MOB3A: variants seen among roughly 807,000 people sequenced by gnomAD.
MOB3A encodes the protein MOB kinase activator 3A, also known as MOB LAK.
A neutral mutation model predicts 17.8 loss-of-function variants in MOB3A; 17 were observed. That is an observed-to-expected ratio of 0.95 (90% CI 0.65 to 1.43). The LOEUF is 1.43. Ranked by LOEUF, MOB3A falls within the 40% of genes most tolerant of loss-of-function variation. The pLI, the probability that MOB3A is intolerant of heterozygous loss-of-function variation, is 0.00. For missense variants in MOB3A, 333 were observed against 310.8 expected (o/e 1.07, Z -0.54); for synonymous variants, 124 against 133.2 (o/e 0.93, Z 0.48).
chr19:2,080,444 C>G (rs1311459528), intron 2 of MOB3A, among the ~76,000 whole-genome samples: 1 of 151,982 alleles, frequency 6.6e-6, no homozygotes, highest in Non-Finnish European at 1.5e-5. Flanking sequence ...GTAGCGCGAT[C>G]TCAGCTCACT....
rs370919391 is a variant in MOB3A at position 2,076,306 on chromosome 19, C to T, written c.624+505G>A. ...AATTAGCTGGACGTGGTGGCGCGTGCCTGTAATCCCAGCTACTTGGGAGGC... is the reference window on the plus strand; with the variant it reads ...AATTAGCTGGACGTGGTGGCGCGTGTCTGTAATCCCAGCTACTTGGGAGGC... On this transcript the variant is annotated intron_variant, in intron 4 of 4. Coordinates refer to ENST00000357066, the MANE Select transcript of MOB3A (RefSeq NM_130807.3). 3.9e-4 allele frequency among the ~76,000 whole-genome samples: 59 copies of T among 151,978 alleles called. 1 individual carries two copies. The highest frequency in any genetic ancestry group is 1.2e-3 in the African/African-American group (48 of 41,436).
chr19:2,088,583 C>T (rs996146137), intron 1 of MOB3A, among the ~76,000 whole-genome samples: 3 of 152,162 alleles, frequency 2.0e-5, no homozygotes, highest in Non-Finnish European at 4.4e-5. Context: ...TCTTCTGCCT[C>T]AGCCTCCTGA....
intron 2 of MOB3A, among the ~76,000 whole-genome samples, chr19:2,081,314 G>GC (rs1568253715): frequency 6.6e-6 from 1 of 152,126 alleles, no homozygotes; most frequent in Non-Finnish European, 1.5e-5. Context: ...GAGGCCGGGC[G>GC]TGGTGGCTCA....
chr19:2,084,053 T>C (rs1476287393), intron 2 of MOB3A: 2 of 439,448 alleles, frequency 4.6e-6, no homozygotes, highest in Admixed American at 5.0e-5. Context: ...ATTACAGGCG[T>C]GAGCCACCGT....
chr19:2,088,012 G>A (rs115775208), intron 1 of MOB3A, among the ~76,000 whole-genome samples: 4,603 of 152,230 alleles, frequency 0.03, 191 homozygotes, highest in African/African-American at 0.094. Context: ...TCGCCTCCTC[G>A]TGGCCACTGT....
intron 4 of MOB3A, among the ~76,000 whole-genome samples, chr19:2,074,234 C>T (rs2017375446): frequency 6.6e-6 from 1 of 151,906 alleles, no homozygotes; most frequent in Admixed American, 6.6e-5. Context: ...GTGGAGGTTG[C>T]AGTGGCTGAG....
Position 2,073,068 on chromosome 19 carries a change from G to A in MOB3A, c.*327C>T, listed in dbSNP as rs2017359036. ...GTTCCAGGAGCCTGGGAGCCACCCA[G>A]GGCAAGGAGTGACCCTGGAAGCCAT... On this transcript the variant is annotated 3_prime_UTR_variant, in exon 5 of 5. Transcript: ENST00000357066. 2 of 403,776 alleles carry A rather than the reference G, an allele frequency of 5.0e-6. No individual in the cohort carries two copies. Among genetic ancestry groups the A allele is most frequent in the East Asian group, 8.9e-5 (2 of 22,488 alleles). 25.0% of individuals were successfully genotyped at this position (403,776 alleles called of 1,614,324 possible).
intron 2 of MOB3A, chr19:2,084,045 T>C: frequency 2.3e-6 from 1 of 431,506 alleles, no homozygotes; most frequent in Non-Finnish European, 4.7e-6. Context: ...GTGCTGGGAT[T>C]ACAGGCGTGA....
intron 2 of MOB3A, among the ~76,000 whole-genome samples, chr19:2,080,381 C>A (rs1002948237): frequency 6.6e-6 from 1 of 151,846 alleles, no homozygotes; most frequent in Non-Finnish European, 1.5e-5. Flanking sequence ...CCAACCCCCA[C>A]CTCTTTTTTT....
intron 2 of MOB3A, among the ~76,000 whole-genome samples, chr19:2,083,937 C>G (rs1033067864): frequency 6.6e-6 from 1 of 152,028 alleles, no homozygotes; most frequent in Non-Finnish European, 1.5e-5. Flanking sequence ...CCCCGCTTGT[C>G]TTTTTAAAAC....
chr19:2,088,544 T>C (rs1363773303), intron 1 of MOB3A, among the ~76,000 whole-genome samples: 1 of 152,142 alleles, frequency 6.6e-6, no homozygotes, highest in Admixed American at 6.6e-5. Flanking sequence ...CTTGGCTCAC[T>C]GCAACCTCCG....
chr19:2,075,032 CTTTT>C lies in MOB3A; in HGVS notation c.625-1612_625-1609del, dbSNP rs903527212. ...ACGCCGGGCCTTAATCTTTTCTTTT[CTTTT>C]TTTTTTTTTTTGAGACAGGTTACTG... is the stretch of plus-strand genomic sequence containing the variant. On this transcript the variant is annotated intron_variant, in intron 4 of 4. Coordinates refer to ENST00000357066, the MANE Select transcript of MOB3A (RefSeq NM_130807.3). Among the ~76,000 whole-genome samples, 23 of 133,260 alleles carry C rather than the reference CTTTT, an allele frequency of 1.7e-4. No homozygotes were observed. The South Asian group carries it at 3.1e-3, about 18-fold the overall frequency. The allele number at this position is 133,260 out of a possible 152,430, so 87.4% of individuals were successfully genotyped here.
chr19:2,089,540 G>A (rs2144937009), intron 1 of MOB3A, among the ~76,000 whole-genome samples: 1 of 151,008 alleles, frequency 6.6e-6, no homozygotes, highest in East Asian at 2.0e-4. Flanking sequence ...TGTCCCCTGG[G>A]GGCAGAATTA....
Position 2,078,466 on chromosome 19 carries a change from T to A in MOB3A, c.95A>T (p.His32Leu). Residue 32 changes from histidine to leucine, a missense_variant, in exon 3 of 5, where the codon CAC (histidine) becomes CTC (leucine). By Grantham distance (99) the His-to-Leu change is moderately conservative. Coordinates refer to ENST00000357066, the MANE Select transcript of MOB3A (RefSeq NM_130807.3). ...GTTCAGCGACGCCTGCGCCTTCTTGTGCAGCTCGAAGCGCTGGGTGCCTGG... is the reference window on the plus strand; with the variant it reads ...GTTCAGCGACGCCTGCGCCTTCTTGAGCAGCTCGAAGCGCTGGGTGCCTGG... ...FEPGTQRFEL[H>L]KKAQASLNAG... 1 of 1,612,586 alleles carries A rather than the reference T, an allele frequency of 6.2e-7. No homozygotes were observed. Among genetic ancestry groups the A allele is most frequent in the Non-Finnish European group, 8.5e-7 (1 of 1,178,868 alleles).
chr19:2,078,149 T>G lies in MOB3A; in HGVS notation c.412A>C (p.Thr138Pro). 1 of 1,571,438 alleles carries G rather than the reference T, an allele frequency of 6.4e-7. No individual in the cohort carries two copies. Among genetic ancestry groups the G allele is most frequent in the Non-Finnish European group, 8.7e-7 (1 of 1,153,308 alleles). Residue 138 changes from threonine to proline, a missense_variant, in exon 3 of 5, where the codon ACC (threonine) becomes CCC (proline). Coordinates refer to ENST00000357066, the MANE Select transcript of MOB3A (RefSeq NM_130807.3). ...GCCAGCTCTGACTCACCAACGTTGG[T>G]GGGGAAGAGGTCCTCGTTGTTGATC... ...AQINNEDLFP[T>P]NVGTPFPKNF...
chr19:2,091,298 A>G (rs751972699), intron 1 of MOB3A, among the ~76,000 whole-genome samples: 10 of 152,230 alleles, frequency 6.6e-5, no homozygotes, highest in South Asian at 6.2e-4. Flanking sequence ...AGTTTTAAGA[A>G]GAATGAGACA....
At chr19:2,092,753 C>CAAAAA (rs745800527) in intron 1 of MOB3A, among the ~76,000 whole-genome samples, 1 of 48,216 alleles carries the variant, frequency 2.1e-5, no homozygotes, top group Non-Finnish European at 4.2e-5. Context: ...AACTCCATCT[C>CAAAAA]AAAAAAAAAA....
At position 2,078,214 on chromosome 19, in the gene MOB3A, G is replaced by A; in HGVS notation, c.347C>T (p.Pro116Leu). Residue 116 changes from proline (P) to leucine (L), a missense_variant, in exon 3 of 5, where the codon CCC (proline) becomes CTC (leucine). Transcript: ENST00000357066. ...GTCCATCAGCAGGTCCATGTACCTGGGCGCGGAGAGTGCCGTGGGCTTCCG... is the reference window on the plus strand; with the variant it reads ...GTCCATCAGCAGGTCCATGTACCTGAGCGCGGAGAGTGCCGTGGGCTTCCG... ...KFRKPTALSA[P>L]RYMDLLMDWI... 1 of 1,613,270 alleles carries A rather than the reference G, an allele frequency of 6.2e-7. No individual in the cohort carries two copies. The highest frequency in any genetic ancestry group is 8.5e-7 in the Non-Finnish European group (1 of 1,179,430).
chr19:2,074,862 C>T (rs2017384021), intron 4 of MOB3A, among the ~76,000 whole-genome samples: 2 of 151,940 alleles, frequency 1.3e-5, no homozygotes, highest in Admixed American at 6.6e-5. Flanking sequence ...GAATTACAGG[C>T]GCGTGCCACC....
Sources: gnomAD v4.1 joint callset for allele counts (sites outside exome capture counted in the v4.1 genomes callset) on GRCh38, gnomAD v4.1.1 for gene constraint, MANE v1.5 for transcripts, NCBI Gene and HGNC (gene_info 2026-07-23, HGNC 2026-07-21) for gene names.